Variants in ADCY5 observed in about 807,000 individuals in gnomAD.
The protein encoded by ADCY5 is adenylate cyclase 5.
In ADCY5, 30 loss-of-function variants were observed where a neutral mutation model predicts 119.7. The observed-to-expected ratio is 0.25, with a 90% CI of 0.19 to 0.34. The LOEUF is 0.34. Ranked by LOEUF, ADCY5 falls within the 10% of genes least tolerant of loss-of-function variation. ADCY5 has a pLI of 1.00. For synonymous variants in ADCY5, 753 were observed against 762.2 expected (o/e 0.99, Z 0.20); for missense variants, 1,324 against 1,775.2 (o/e 0.75, Z 4.57).
In ADCY5 at chr3:123,284,547, C is replaced by G. The variant is rs1010204418; in HGVS notation, c.*61G>C. 1 of 1,604,526 alleles carries G rather than the reference C, an allele frequency of 6.2e-7. No homozygotes were observed. ...TGGCTTCCCCGCCACCCCCGGCACA[C>G]AGAGAAGCTGCTTCCATGCCTCTGG... is the stretch of plus-strand genomic sequence containing the variant. On this transcript the variant is annotated 3_prime_UTR_variant, in exon 21 of 21. Coordinates refer to ENST00000462833, the MANE Select transcript of ADCY5 (RefSeq NM_183357.3).
intron 1 of ADCY5, among the ~76,000 whole-genome samples, chr3:123,417,235 CCCA>C (rs927153668): frequency 6.8e-4 from 104 of 152,294 alleles, no homozygotes; most frequent in African/African-American, 2.4e-3. Context: ...TCCCCCCTAC[CCCA>C]CCACCACCAT....
chr3:123,304,140 C>G lies in ADCY5; in HGVS notation c.2486G>C (p.Arg829Pro), dbSNP rs755917322. 6 of 1,605,902 alleles carry G rather than the reference C, an allele frequency of 3.7e-6. No homozygotes were observed. In the Admixed American group the frequency reaches 1.0e-4, roughly 27 times the overall value. The change falls in exon 13 of 21, where the codon CGG becomes CCG. Residue 829 changes from arginine to proline, a missense_variant. Physicochemically the swap from Arg to Pro is moderately radical, Grantham distance 103. Transcript: ENST00000462833. ...PLQTLSRKIV[R>P]SKMNSTLVGV... ...AACCAGGGTGCTGTTCATCTTGGAC[C>G]GCACGATCTTCCTGGAGAGGGTCTG...
At chr3:123,421,478 A>G (rs952092248) in intron 1 of ADCY5, among the ~76,000 whole-genome samples, 2 of 152,160 alleles carry the variant, frequency 1.3e-5, no homozygotes, top group East Asian at 1.9e-4. Flanking sequence ...CACAGACATT[A>G]TCTCATCATG....
At chr3:123,407,053 AT>A (rs1248609530) in intron 1 of ADCY5, among the ~76,000 whole-genome samples, 1 of 151,824 alleles carries the variant, frequency 6.6e-6, no homozygotes, top group Admixed American at 6.6e-5. Context: ...CAGCCACCAC[AT>A]TTCCCTGAAC....
In ADCY5 at chr3:123,352,853, G is replaced by A. The variant is rs888247693; in HGVS notation, c.1135-272C>T. ...AATAATCATACTAAACATGCCTATA[G>A]TACCAGAAATTAAAAGGCTACATGT... is the stretch of plus-strand genomic sequence containing the variant. On this transcript the variant is annotated intron_variant, in intron 1 of 20. Transcript: ENST00000462833. This position sits in a 1 kb window ranked among gnomAD's most constrained non-coding sequence, Gnocchi z 4.8. Among the ~76,000 whole-genome samples the A allele has an allele frequency of 6.6e-6, 1 of 152,172 alleles. No individual in the cohort carries two copies. The highest frequency in any genetic ancestry group is 6.5e-5 in the Admixed American group (1 of 15,278).
intron 1 of ADCY5, among the ~76,000 whole-genome samples, chr3:123,446,540 C>T (rs1945818411): frequency 6.6e-6 from 1 of 152,226 alleles, no homozygotes; most frequent in African/African-American, 2.4e-5. Flanking sequence ...CAGGGGGGCT[C>T]CTCTCACCCT....
intron 17 of ADCY5, among the ~76,000 whole-genome samples, chr3:123,293,997 A>G (rs1421741371): frequency 2.0e-5 from 3 of 152,218 alleles, no homozygotes; most frequent in South Asian, 2.1e-4. Flanking sequence ...GAAAAGCTCA[A>G]AGAGTGATGG....
intron 1 of ADCY5, among the ~76,000 whole-genome samples, chr3:123,429,305 T>G (rs1399757386): frequency 1.3e-5 from 2 of 152,212 alleles, no homozygotes; most frequent in East Asian, 3.9e-4. Flanking sequence ...AAAGAGTTGC[T>G]GTTCCCAAAG....
intron 1 of ADCY5, among the ~76,000 whole-genome samples, chr3:123,414,837 C>A (rs1945147835): frequency 6.6e-6 from 1 of 152,172 alleles, no homozygotes; most frequent in African/African-American, 2.4e-5. Context: ...GGATTACAGG[C>A]ACAAGCCACC....
chr3:123,436,133 G>A (rs1020972311), intron 1 of ADCY5, among the ~76,000 whole-genome samples: 4 of 151,616 alleles, frequency 2.6e-5, no homozygotes, highest in African/African-American at 7.3e-5. Flanking sequence ...CTCGTGATCC[G>A]CCCGCCTCAG....
intron 12 of ADCY5, 73 bp downstream of exon 12, chr3:123,314,162 C>T (rs1940756823): frequency 7.6e-7 from 1 of 1,311,104 alleles, no homozygotes; most frequent in African/African-American, 1.5e-5. Flanking sequence ...CATTTTGGGC[C>T]CCTGGGTAGG....
chr3:123,429,556 G>A (rs1945480904), intron 1 of ADCY5, among the ~76,000 whole-genome samples: 1 of 152,036 alleles, frequency 6.6e-6, no homozygotes, highest in South Asian at 2.1e-4. Flanking sequence ...CATCCTGAAG[G>A]CTTCTTCACT....
In ADCY5 at chr3:123,289,886, G is replaced by A; in HGVS notation, c.3396C>T (p.Ala1132=). The change falls in exon 19 of 21, where the codon GCC becomes GCT. Residue 1132 remains alanine, a synonymous_variant. Transcript: ENST00000462833. ...IKTIGSTYMA[A]SGLNDSTYDK... Reference sequence around the variant, plus strand: ...CGTAGGTAGAGTCGTTGAGGCCGGAGGCAGCCATGTAGGTGCTGCCGATGG... The same window carrying A: ...CGTAGGTAGAGTCGTTGAGGCCGGAAGCAGCCATGTAGGTGCTGCCGATGG... The A allele has an allele frequency of 6.2e-7, 1 of 1,614,224 alleles. No individual in the cohort carries two copies. The highest frequency in any genetic ancestry group is 2.2e-5 in the East Asian group (1 of 44,878).
chr3:123,289,218 C>G (rs908653261), intron 19 of ADCY5, among the ~76,000 whole-genome samples: 4 of 152,190 alleles, frequency 2.6e-5, no homozygotes, highest in Non-Finnish European at 5.9e-5. Context: ...AATTTAATGA[C>G]TGGTAACATG....
chr3:123,334,669 CG>C (rs1395409850), intron 3 of ADCY5, among the ~76,000 whole-genome samples: 1 of 152,114 alleles, frequency 6.6e-6, no homozygotes, highest in Non-Finnish European at 1.5e-5. Flanking sequence ...ACTCTGGAGA[CG>C]GAGGTTGCAG....
At chr3:123,290,034 G>T (rs1939046218) in intron 18 of ADCY5, 80 bp from the exon 19 acceptor site, 2 of 1,430,714 alleles carry the variant, frequency 1.4e-6, no homozygotes, top group African/African-American at 1.4e-5. Flanking sequence ...GATGTCCAGG[G>T]AAGTGCAGCA....
At chr3:123,315,564 G>C (rs1160351641) in intron 11 of ADCY5, among the ~76,000 whole-genome samples, 3 of 152,132 alleles carry the variant, frequency 2.0e-5, no homozygotes, top group African/African-American at 7.2e-5. Flanking sequence ...GTTGCAATGG[G>C]ATGAAAAACC....
chr3:123,397,632 C>G (rs568684077), intron 1 of ADCY5, among the ~76,000 whole-genome samples: 1 of 152,346 alleles, frequency 6.6e-6, no homozygotes, highest in South Asian at 2.1e-4. Context: ...GAGAGATTCT[C>G]TCAAAATTTT....
intron 14 of ADCY5, among the ~76,000 whole-genome samples, chr3:123,301,374 G>A (rs3935400): frequency 0.78 from 118,741 of 152,032 alleles, 46,448 homozygotes; most frequent in East Asian, 0.87. Context: ...GCCTCACATC[G>A]CCACTGGGAA....
Sources: allele counts gnomAD v4.1 joint callset (sites outside exome capture counted in the v4.1 genomes callset), GRCh38; gene constraint gnomAD v4.1.1; non-coding constraint Gnocchi (gnomAD v3.1); transcripts MANE v1.5; gene names NCBI Gene and HGNC (gene_info 2026-07-23, HGNC 2026-07-21).